The following TSHR variants were observed in gnomAD, a reference collection of about 807,000 sequenced individuals.
TSHR encodes the protein thyrotropin receptor.
A neutral mutation model predicts 64.1 loss-of-function variants in TSHR; 51 were observed. That is an observed-to-expected ratio of 0.80 (90% CI 0.64 to 1.01). The LOEUF is 1.01. TSHR is among the 50% of genes least tolerant of loss of function. The probability of loss-of-function intolerance (pLI) is 0.00; values close to 1 mark genes in which losing one functional copy is unlikely to be tolerated. For synonymous variants in TSHR, 361 were observed against 361.9 expected (o/e 1.00, Z 0.03); for missense variants, 877 against 942.8 (o/e 0.93, Z 0.91).
At chr14:81,110,889 T>C (rs190008259) in intron 8 of TSHR, among the ~76,000 whole-genome samples, 19 of 152,296 alleles carry the variant, frequency 1.2e-4, no homozygotes, top group African/African-American at 4.3e-4. Flanking sequence ...GCCAAAAGGG[T>C]TAAAAATAAT....
At chr14:81,042,216 G>C (rs1410717014) in intron 1 of TSHR, among the ~76,000 whole-genome samples, 1 of 152,122 alleles carries the variant, frequency 6.6e-6, no homozygotes, top group Non-Finnish European at 1.5e-5. Flanking sequence ...CAGCCATTAT[G>C]GAAAACAGTA....
chr14:81,099,696 G>A (rs749490661), intron 7 of TSHR, among the ~76,000 whole-genome samples: 32 of 152,282 alleles, frequency 2.1e-4, no homozygotes, highest in Admixed American at 1.1e-3. Flanking sequence ...AAGTCTGGTC[G>A]GCGATAACCT....
intron 3 of TSHR, among the ~76,000 whole-genome samples, chr14:81,073,505 A>G (rs542069116): frequency 1.3e-5 from 2 of 152,308 alleles, no homozygotes; most frequent in South Asian, 4.1e-4. Flanking sequence ...AGATTACCAA[A>G]AAAATTAAAA....
intron 1 of TSHR, among the ~76,000 whole-genome samples, chr14:80,969,728 T>C (rs1594899783): frequency 6.6e-6 from 1 of 152,264 alleles, no homozygotes; most frequent in Non-Finnish European, 1.5e-5. Flanking sequence ...TCATCTAGTC[T>C]ACCTGGGTGT....
intron 5 of TSHR, among the ~76,000 whole-genome samples, chr14:81,091,419 G>A (rs890081064): frequency 6.6e-5 from 10 of 152,176 alleles, no homozygotes; most frequent in Admixed American, 6.5e-4. Flanking sequence ...GAATTAGAAA[G>A]AGTTACCATA....
intron 6 of TSHR, among the ~76,000 whole-genome samples, chr14:81,094,736 G>C (rs1889030496): frequency 8.1e-6 from 1 of 123,728 alleles, no homozygotes. Context: ...CCCAGAGCTG[G>C]AGTGCAATGG....
intron 1 of TSHR, among the ~76,000 whole-genome samples, chr14:81,054,689 G>A (rs10150381): frequency 0.23 from 35,080 of 151,928 alleles, 4,100 homozygotes; most frequent in South Asian, 0.28. Flanking sequence ...CCCTTGCCCT[G>A]GAGATTTGTG....
chr14:80,986,819 A>G (rs1473321954), intron 1 of TSHR, among the ~76,000 whole-genome samples: 2 of 152,174 alleles, frequency 1.3e-5, no homozygotes, highest in Admixed American at 1.3e-4. Flanking sequence ...TATTTTAATT[A>G]TATATTAATT....
chr14:81,065,507 G>A (rs773270660), intron 2 of TSHR, among the ~76,000 whole-genome samples: 22 of 152,174 alleles, frequency 1.4e-4, no homozygotes, highest in Non-Finnish European at 2.6e-4. Flanking sequence ...TTGGTTGACT[G>A]AGATATAGGA....
intron 7 of TSHR, chr14:81,104,460 C>T: frequency 1.0e-6 from 1 of 985,382 alleles, no homozygotes; most frequent in Non-Finnish European, 1.2e-6. Context: ...GCAGCAATAG[C>T]AAATTCTCTT....
intron 1 of TSHR, among the ~76,000 whole-genome samples, chr14:81,040,759 T>G (rs1266367737): frequency 6.6e-6 from 1 of 152,116 alleles, no homozygotes; most frequent in African/African-American, 2.4e-5. Context: ...TTTTGCAAAT[T>G]ATGTATCTGA....
intron 1 of TSHR, among the ~76,000 whole-genome samples, chr14:81,057,449 C>T (rs146163715): frequency 2.6e-5 from 4 of 152,068 alleles, no homozygotes; most frequent in African/African-American, 9.6e-5. Context: ...TTTATTCTCA[C>T]CAAAATAAGA....
chr14:81,029,192 A>T (rs1406252464), intron 1 of TSHR, among the ~76,000 whole-genome samples: 1 of 152,084 alleles, frequency 6.6e-6, no homozygotes, highest in Non-Finnish European at 1.5e-5. Context: ...CCCTTTTCCC[A>T]TGTAAAATTT....
At chr14:81,127,224 G>A (rs923943051) in intron 8 of TSHR, among the ~76,000 whole-genome samples, 8 of 152,158 alleles carry the variant, frequency 5.3e-5, no homozygotes, top group African/African-American at 1.4e-4. Context: ...TCACTTTTCT[G>A]GGAGTTTACT....
Position 81,063,242 on chromosome 14 carries a change from C to T in TSHR, c.242+1023C>T, listed in dbSNP as rs1349634593. On this transcript the variant is annotated intron_variant, in intron 2 of 9. Coordinates refer to ENST00000298171, the MANE Select transcript of TSHR (RefSeq NM_000369.5). ...TGCTCTCTCATTCCTCTTCTTGTCTCACCTGGCTACTCTTCCTTAGTCTCC... is the reference window on the plus strand; with the variant it reads ...TGCTCTCTCATTCCTCTTCTTGTCTTACCTGGCTACTCTTCCTTAGTCTCC... Among the ~76,000 whole-genome samples, 4 of 152,080 alleles carry T rather than the reference C, an allele frequency of 2.6e-5. No homozygotes were observed. In the East Asian group the frequency reaches 5.8e-4, roughly 22 times the overall value.
At chr14:81,059,672 G>A (rs896515599) in intron 1 of TSHR, among the ~76,000 whole-genome samples, 1 of 151,996 alleles carries the variant, frequency 6.6e-6, no homozygotes, top group Non-Finnish European at 1.5e-5. Flanking sequence ...GATTTACTGT[G>A]CATATTGTAT....
chr14:81,106,018 G>A (rs894477574), intron 7 of TSHR, among the ~76,000 whole-genome samples: 11 of 152,048 alleles, frequency 7.2e-5, no homozygotes, highest in African/African-American at 2.7e-4. Flanking sequence ...GAATTCCATG[G>A]ACATAGTGGG....
intron 3 of TSHR, among the ~76,000 whole-genome samples, chr14:81,079,991 C>T (rs934156189): frequency 6.6e-6 from 1 of 152,136 alleles, no homozygotes; most frequent in Non-Finnish European, 1.5e-5. Flanking sequence ...CTTGCTCTGT[C>T]GCCCAGGCTG....
intron 1 of TSHR, among the ~76,000 whole-genome samples, chr14:81,054,062 A>G (rs917355714): frequency 6.6e-6 from 1 of 152,196 alleles, no homozygotes; most frequent in African/African-American, 2.4e-5. Context: ...TCCCCACTCA[A>G]ATCTCATCTT....
Sources: gnomAD v4.1 joint callset for allele counts (sites outside exome capture counted in the v4.1 genomes callset) on GRCh38, gnomAD v4.1.1 for gene constraint, MANE v1.5 for transcripts, NCBI Gene and HGNC (gene_info 2026-07-23, HGNC 2026-07-21) for gene names.